CDH23: variants seen among roughly 807,000 people sequenced by gnomAD.
CDH23 encodes cadherin related 23, also known as cadherin-23.
A neutral mutation model predicts 317.1 loss-of-function variants in CDH23; 189 were observed. That is an observed-to-expected ratio of 0.60 (90% CI 0.53 to 0.67). The LOEUF (loss-of-function observed/expected upper bound fraction) is 0.67, where lower values mean the gene tolerates loss of function less well. Ranked by LOEUF, CDH23 falls within the 30% of genes least tolerant of loss-of-function variation. The pLI, the probability that CDH23 is intolerant of heterozygous loss-of-function variation, is 0.00. For missense variants in CDH23, 4,401 were observed against 4,592.4 expected, an observed-to-expected ratio of 0.96 and a Z score of 1.20; for synonymous variants, 1,839 against 1,876.8, an observed-to-expected ratio of 0.98 and a Z score of 0.52.
rs372632103 is a variant in CDH23, at chr10:71,810,569, G to T, written c.9077G>T (p.Arg3026Leu). Reference protein sequence around the residue: ...RDTNRILDVDRVIQMIDENKE... With the variant: ...RDTNRILDVDLVIQMIDENKE... ...ACCAACCGCATCCTGGACGTGGACC[G>T]GTGAGTCGGGGCCTGTGTTTGGACT... The change falls in exon 62 of 70, where the codon CGG becomes CTG. Residue 3026 changes from arginine to leucine, a missense_variant and splice_region_variant. Arg to Leu is a moderately radical substitution (Grantham distance 102, BLOSUM62 -2). This residue lies in a region of CDH23 where 1,144 missense variants were observed against 1,138.2 expected (regional missense o/e 1.01). Transcript: ENST00000224721. 5 of 1,613,616 alleles carry T rather than the reference G, an allele frequency of 3.1e-6. No homozygotes were observed. The highest frequency in any genetic ancestry group is 4.2e-6 in the Non-Finnish European group (5 of 1,179,598).
intron 34 of CDH23, among the ~76,000 whole-genome samples, chr10:71,734,902 A>T (rs1207032721): frequency 6.6e-6 from 1 of 152,114 alleles, no homozygotes; most frequent in Non-Finnish European, 1.5e-5. Context: ...GGGTGGGGAG[A>T]GTACTAGCAA....
chr10:71,804,786 T>C (rs905784892), intron 55 of CDH23, among the ~76,000 whole-genome samples: 3 of 152,224 alleles, frequency 2.0e-5, no homozygotes, highest in Non-Finnish European at 2.9e-5. Context: ...TTTTTTTCTT[T>C]ACTCTAGTTT....
At chr10:71,725,987 A>G (rs901342204) in intron 30 of CDH23, among the ~76,000 whole-genome samples, 2 of 151,154 alleles carry the variant, frequency 1.3e-5, no homozygotes, top group Non-Finnish European at 3.0e-5. Flanking sequence ...TGACCCTAAT[A>G]TATTCCAGTC....
intron 6 of CDH23, among the ~76,000 whole-genome samples, chr10:71,546,202 A>G (rs568658358): frequency 1.3e-5 from 2 of 152,036 alleles, no homozygotes; most frequent in East Asian, 3.9e-4. Context: ...TGGTCTCCTT[A>G]CCAATGCCCC....
At chr10:71,784,456 G>C in intron 42 of CDH23, 36 bp downstream of exon 42, 1 of 1,601,234 alleles carries the variant, frequency 6.2e-7, no homozygotes, top group Non-Finnish European at 8.5e-7. Context: ...GCTTCACCTC[G>C]CTGCCCCTGT....
chr10:71,568,447 A>C (rs1857535865), intron 7 of CDH23, among the ~76,000 whole-genome samples: 1 of 152,170 alleles, frequency 6.6e-6, no homozygotes, highest in Non-Finnish European at 1.5e-5. Context: ...TGGGGAATAG[A>C]CCAGAGCTGG....
At chr10:71,636,627 G>A (rs546096294) in intron 11 of CDH23, among the ~76,000 whole-genome samples, 8 of 152,316 alleles carry the variant, frequency 5.3e-5, no homozygotes, top group South Asian at 2.1e-4. Flanking sequence ...CCCCAGTTGC[G>A]TAGTAATACA....
In CDH23 at chr10:71,577,154, C is replaced by T. The variant is rs539839022; in HGVS notation, c.754-760C>T. Reference sequence around the variant, plus strand: ...TATGTGTATTCGCACTCCTAATATGCGTATAGCAGCTGTCTGCTCAGATGT... The same window carrying T: ...TATGTGTATTCGCACTCCTAATATGTGTATAGCAGCTGTCTGCTCAGATGT... On this transcript the variant is annotated intron_variant, in intron 8 of 69. Coordinates refer to ENST00000224721, the MANE Select transcript of CDH23 (RefSeq NM_022124.6). Among the ~76,000 whole-genome samples the T allele has an allele frequency of 5.3e-5, 8 of 152,278 alleles. No homozygotes were observed. In the South Asian group the frequency reaches 8.3e-4, roughly 16 times the overall value.
intron 3 of CDH23, among the ~76,000 whole-genome samples, chr10:71,447,056 C>T (rs1242099356): frequency 6.6e-6 from 1 of 152,220 alleles, no homozygotes; most frequent in African/African-American, 2.4e-5. Flanking sequence ...CCCACCTCCA[C>T]CGACAGCCCT....
rs907218406 is a variant in CDH23 at position 71,434,279 on chromosome 10, A to G, written c.-5-5548A>G. ...TTTCCCAGGGCACCTCACTCCCAAC[A>G]CTGGATGACTCACTCACCTGCTCTG... On this transcript the variant is annotated intron_variant, in intron 1 of 69. Coordinates refer to ENST00000224721, the MANE Select transcript of CDH23 (RefSeq NM_022124.6). 4.6e-5 allele frequency among the ~76,000 whole-genome samples: 7 copies of G among 152,066 alleles called. No individual in the cohort carries two copies. The South Asian group carries it at 1.2e-3, about 27-fold the overall frequency.
At chr10:71,809,706 G>C in intron 60 of CDH23, 114 bp from the exon 61 acceptor site, 1 of 1,442,532 alleles carries the variant, frequency 6.9e-7, no homozygotes. Context: ...GTGCCCTGTG[G>C]GCATTTGTGC....
At chr10:71,785,177 G>A in intron 43 of CDH23, 77 bp downstream of exon 43, 1 of 1,258,394 alleles carries the variant, frequency 7.9e-7, no homozygotes. Flanking sequence ...AGGCTTTTCT[G>A]CTGCCACCAT....
chr10:71,777,421 A>G (rs1564788490), intron 38 of CDH23, among the ~76,000 whole-genome samples: 1 of 68,896 alleles, frequency 1.5e-5, no homozygotes, highest in Non-Finnish European at 2.9e-5. Flanking sequence ...GTGATTGATT[A>G]GTGATGTCTG....
chr10:71,431,025 G>T (rs1442529881), intron 1 of CDH23, among the ~76,000 whole-genome samples: 2 of 152,284 alleles, frequency 1.3e-5, no homozygotes, highest in Non-Finnish European at 2.9e-5. Context: ...GGGCCCATGT[G>T]CTAATATGAA....
chr10:71,734,298 C>T lies in CDH23; in HGVS notation c.4163C>T (p.Thr1388Ile), dbSNP rs1554863775. 6 of 1,612,428 alleles carry T rather than the reference C, an allele frequency of 3.7e-6. No homozygotes were observed. In the South Asian group the frequency reaches 6.6e-5, roughly 18 times the overall value. ...GAGAAGGGCGACTTCTATACCTTGA[C>T]AGTGGTGGCAGATGACGGCGGCCCC... ...DREKGDFYTL[T>I]VVADDGGPKV... The change falls in exon 33 of 70, where the codon ACA becomes ATA. Residue 1388 changes from threonine (T) to isoleucine (I), a missense_variant. By Grantham distance (89) the Thr-to-Ile change is moderately conservative (BLOSUM62 -1). Transcript: ENST00000224721.
chr10:71,590,283 G>C (rs1296775909), intron 9 of CDH23, among the ~76,000 whole-genome samples: 3 of 152,192 alleles, frequency 2.0e-5, no homozygotes, highest in Non-Finnish European at 4.4e-5. Flanking sequence ...AAACATTCTG[G>C]CACAGAACGA....
Position 71,815,062 on chromosome 10 carries a change from T to C in CDH23, c.9849T>C (p.His3283=), listed in dbSNP as rs772792516. The C allele has an allele frequency of 2.0e-5, 33 of 1,612,152 alleles. No homozygotes were observed. The highest frequency in any genetic ancestry group is 1.6e-4 in the Middle Eastern group (1 of 6,082). The part of the protein sequence containing the change: ...PVELKGPDGI[H]VVHGSTGTLL... ...AGCTCAAGGGGCCCGATGGGATCCA[T>C]GTGGTGCACGGCAGCACGGGCACGC... Residue 3283 remains histidine (H), a synonymous_variant, in exon 70 of 70, where the codon CAT becomes CAC. Coordinates refer to ENST00000224721, the MANE Select transcript of CDH23 (RefSeq NM_022124.6).
rs138560543 is a variant in CDH23, at chr10:71,682,398, T to G, written c.1859-47T>G. On this transcript the variant is annotated intron_variant, in intron 17 of 69. Transcript: ENST00000224721. ...AAGGGGACCCCTGTCTGGACGGGCA[T>G]CTCAAGTCTGCTTACAGAGGGATCT... 3,008 of 1,602,604 alleles carry G rather than the reference T, an allele frequency of 1.9e-3. 59 individuals carry two copies. The African/African-American group carries it at 0.036, about 19-fold the overall frequency.
intron 3 of CDH23, among the ~76,000 whole-genome samples, chr10:71,449,950 A>G (rs1424327179): frequency 1.3e-5 from 2 of 152,258 alleles, no homozygotes; most frequent in African/African-American, 4.8e-5. Context: ...TACCAGCCGG[A>G]GAAGACAGAA....
Sources: allele counts gnomAD v4.1 joint callset (sites outside exome capture counted in the v4.1 genomes callset), GRCh38; gene constraint gnomAD v4.1.1; regional missense constraint gnomAD v4.1.1; transcripts MANE v1.5; gene names NCBI Gene and HGNC (gene_info 2026-07-23, HGNC 2026-07-21).